The following CALCR variants were observed in gnomAD, a reference collection of about 807,000 sequenced individuals.
The protein encoded by CALCR is calcitonin receptor.
In CALCR, 47 loss-of-function variants were observed where a neutral mutation model predicts 59.5. That is an observed-to-expected ratio of 0.79 (90% CI 0.63 to 1.01). CALCR has a LOEUF of 1.01. Ranked by LOEUF, CALCR falls within the 50% of genes least tolerant of loss-of-function variation. The pLI is 0.00. For synonymous variants in CALCR, 213 were observed against 211.3 expected, an observed-to-expected ratio of 1.01 and a Z score of -0.07; for missense variants, 566 against 597.1, an observed-to-expected ratio of 0.95 and a Z score of 0.54.
At chr7:93,460,595 A>ACATATATATATATG (rs1800309281) in intron 8 of CALCR, among the ~76,000 whole-genome samples, 1 of 77,834 alleles carries the variant, frequency 1.3e-5, no homozygotes, top group African/African-American at 5.1e-5. Context: ...ATATATATGT[A>ACATATATATATATG]TATATATATA....
intron 12 of CALCR, among the ~76,000 whole-genome samples, 165 bp from the exon 13 acceptor site, chr7:93,434,459 C>T (rs187734635): frequency 1.3e-5 from 2 of 151,310 alleles, no homozygotes; most frequent in African/African-American, 4.8e-5. Context: ...AGAATATTCC[C>T]TTAGAAATAT....
At position 93,466,576 on chromosome 7, in the gene CALCR, T is replaced by C. The variant is rs1010317151; in HGVS notation, c.521+2139A>G. Among the ~76,000 whole-genome samples, 18 of 151,866 alleles carry C rather than the reference T, an allele frequency of 1.2e-4. 1 individual carries two copies. The highest frequency in any genetic ancestry group is 7.2e-4 in the Admixed American group (11 of 15,184). Reference sequence around the variant, plus strand: ...CTTTTCATATCTCATTTGTCTCTTGTTGTGTCTGCTCTGAAGAACCAGCTA... The same window carrying C: ...CTTTTCATATCTCATTTGTCTCTTGCTGTGTCTGCTCTGAAGAACCAGCTA... On this transcript the variant is annotated intron_variant, in intron 7 of 13. Transcript: ENST00000426151.
intron 2 of CALCR, among the ~76,000 whole-genome samples, chr7:93,565,278 C>A (rs7801223): frequency 0.27 from 40,337 of 152,018 alleles, 8,185 homozygotes; most frequent in African/African-American, 0.56. Flanking sequence ...CTGAATAATA[C>A]TAAGGGTAAA....
At chr7:93,515,805 G>A (rs923627145) in intron 2 of CALCR, among the ~76,000 whole-genome samples, 1 of 151,954 alleles carries the variant, frequency 6.6e-6, no homozygotes, top group Admixed American at 6.6e-5. Context: ...GAGTCAAAAA[G>A]TGATTTAAGA....
chr7:93,569,717 T>C (rs1474368804), intron 2 of CALCR, among the ~76,000 whole-genome samples: 1 of 152,162 alleles, frequency 6.6e-6, no homozygotes. Context: ...AGTACATATT[T>C]ATTCAGTTTT....
intron 2 of CALCR, among the ~76,000 whole-genome samples, chr7:93,549,073 C>G (rs1789379487): frequency 6.6e-6 from 1 of 151,920 alleles, no homozygotes; most frequent in Non-Finnish European, 1.5e-5. Flanking sequence ...AAGCACATGA[C>G]AAAAAAGATA....
intron 2 of CALCR, among the ~76,000 whole-genome samples, chr7:93,568,469 G>A (rs577663720): frequency 6.7e-6 from 1 of 150,024 alleles, no homozygotes; most frequent in South Asian, 2.1e-4. Flanking sequence ...CATCCCGCAT[G>A]AGTGCTCGCT....
intron 13 of CALCR, among the ~76,000 whole-genome samples, chr7:93,432,687 T>A (rs1476959829): frequency 6.6e-6 from 1 of 152,194 alleles, no homozygotes; most frequent in East Asian, 1.9e-4. Context: ...TATTGTGGTA[T>A]TTTTACGAAT....
intron 2 of CALCR, among the ~76,000 whole-genome samples, chr7:93,529,749 G>T (rs1419270618): frequency 6.6e-6 from 1 of 151,946 alleles, no homozygotes. Context: ...ACTCAATGAA[G>T]AAATAAATAA....
At chr7:93,515,868 T>C (rs1801639888) in intron 2 of CALCR, among the ~76,000 whole-genome samples, 1 of 152,062 alleles carries the variant, frequency 6.6e-6, no homozygotes, top group South Asian at 2.1e-4. Context: ...ATTTTGCTTT[T>C]ATCTCTTTAT....
At chr7:93,458,031 G>A (rs1467291500) in intron 8 of CALCR, among the ~76,000 whole-genome samples, 1 of 152,048 alleles carries the variant, frequency 6.6e-6, no homozygotes, top group Admixed American at 6.6e-5. Flanking sequence ...CTCGGATATT[G>A]CAAAGATTAA....
chr7:93,468,983 T>G (rs1800496922), intron 6 of CALCR, among the ~76,000 whole-genome samples, 177 bp from the exon 7 acceptor site: 1 of 151,904 alleles, frequency 6.6e-6, no homozygotes, highest in Non-Finnish European at 1.5e-5. Context: ...CTCATGTCAT[T>G]TTATGAAAAT....
At chr7:93,565,798 AG>A (rs1430160805) in intron 2 of CALCR, among the ~76,000 whole-genome samples, 3 of 152,234 alleles carry the variant, frequency 2.0e-5, no homozygotes, top group Non-Finnish European at 2.9e-5. Context: ...CTTGGGCGAA[AG>A]AAATTCCATT....
intron 2 of CALCR, among the ~76,000 whole-genome samples, chr7:93,535,261 T>C (rs1189714991): frequency 1.3e-5 from 2 of 151,734 alleles, no homozygotes; most frequent in Non-Finnish European, 3.0e-5. Context: ...TAATAAGACA[T>C]AGTTTATATG....
intron 2 of CALCR, among the ~76,000 whole-genome samples, chr7:93,528,865 C>T (rs1267176677): frequency 1.3e-5 from 2 of 152,110 alleles, no homozygotes; most frequent in Admixed American, 6.6e-5. Context: ...TAGCCTGATA[C>T]TGATAGTATT....
intron 2 of CALCR, among the ~76,000 whole-genome samples, chr7:93,518,960 T>A (rs721381): frequency 0.28 from 42,646 of 151,488 alleles, 6,329 homozygotes; most frequent in Non-Finnish European, 0.32. Context: ...AGAGAAAAAA[T>A]TTTTTATCTA....
rs1799979836 is a variant in CALCR, at chr7:93,444,849, T to G, written c.649-1092A>C. Reference sequence around the variant, plus strand: ...ATGCTGCTTCTTACTTTATTTTGAATTTGACTGCATTTTAGGCCTTTTCCT... The same window carrying G: ...ATGCTGCTTCTTACTTTATTTTGAAGTTGACTGCATTTTAGGCCTTTTCCT... On this transcript the variant is annotated intron_variant, in intron 8 of 13. Coordinates refer to ENST00000426151, the MANE Select transcript of CALCR (RefSeq NM_001742.4). Among the ~76,000 whole-genome samples, 3 of 152,144 alleles carry G rather than the reference T, an allele frequency of 2.0e-5. No homozygotes were observed. In the South Asian group the frequency reaches 6.2e-4, roughly 31 times the overall value.
chr7:93,448,335 T>G (rs1800044177), intron 8 of CALCR, among the ~76,000 whole-genome samples: 1 of 152,044 alleles, frequency 6.6e-6, no homozygotes, highest in Admixed American at 6.6e-5. Context: ...TTTGTTTTGC[T>G]GTAAAACAAA....
At chr7:93,434,853 G>A (rs542933463) in intron 12 of CALCR, among the ~76,000 whole-genome samples, 6 of 152,250 alleles carry the variant, frequency 3.9e-5, no homozygotes, top group African/African-American at 1.4e-4. Flanking sequence ...AGAACAGTTC[G>A]AACTATTCAA....
Sources: allele counts gnomAD v4.1 joint callset (sites outside exome capture counted in the v4.1 genomes callset), GRCh38; gene constraint gnomAD v4.1.1; transcripts MANE v1.5; gene names NCBI Gene and HGNC (gene_info 2026-07-23, HGNC 2026-07-21).